Variants in PHLDB2 observed in about 807,000 individuals in gnomAD.
The protein encoded by PHLDB2 is pleckstrin homology like domain family B member 2.
PHLDB2 carries 71 observed loss-of-function variants against 123.6 expected under a neutral mutation model. The observed-to-expected ratio is 0.57, with a 90% CI of 0.47 to 0.70. The LOEUF is 0.70. Among genes scored for constraint, PHLDB2 ranks in the 30% least tolerant of loss-of-function variants. The pLI, the probability that PHLDB2 is intolerant of heterozygous loss-of-function variation, is 0.00. For missense variants in PHLDB2, 1,446 were observed against 1,519.5 expected (o/e 0.95, Z 0.80); for synonymous variants, 547 against 541.6 (o/e 1.01, Z -0.14).
chr3:111,867,432 A>G (rs2065140268), intron 1 of PHLDB2, among the ~76,000 whole-genome samples: 2 of 149,412 alleles, frequency 1.3e-5, no homozygotes, highest in African/African-American at 4.8e-5. Flanking sequence ...TAATAAAATA[A>G]TAAACAAAGA....
chr3:111,893,347 T>G (rs969618584), intron 2 of PHLDB2, among the ~76,000 whole-genome samples: 1 of 152,122 alleles, frequency 6.6e-6, no homozygotes, highest in Non-Finnish European at 1.5e-5. Context: ...CCCTTCCATT[T>G]GCTACATCCT....
chr3:111,734,992 T>C (rs1242519174), intron 1 of PHLDB2, among the ~76,000 whole-genome samples: 3 of 151,928 alleles, frequency 2.0e-5, no homozygotes, highest in Non-Finnish European at 4.4e-5. Flanking sequence ...GTCACTGGAG[T>C]CTTCTCTGTC....
intron 2 of PHLDB2, among the ~76,000 whole-genome samples, chr3:111,851,489 G>A (rs144118585): frequency 5.0e-4 from 76 of 152,274 alleles, no homozygotes; most frequent in Middle Eastern, 3.4e-3. Context: ...TGGATGGAGA[G>A]ATTTAATATC....
chr3:111,793,613 G>A (rs1025626886), intron 1 of PHLDB2, among the ~76,000 whole-genome samples: 1 of 151,952 alleles, frequency 6.6e-6, no homozygotes, highest in Non-Finnish European at 1.5e-5. Flanking sequence ...AGCTGGGAAT[G>A]TGCTGGGTCT....
At chr3:111,791,559 C>T (rs1262638381) in intron 1 of PHLDB2, among the ~76,000 whole-genome samples, 1 of 152,156 alleles carries the variant, frequency 6.6e-6, no homozygotes, top group Non-Finnish European at 1.5e-5. Flanking sequence ...CTCAATCTCC[C>T]TGGTAGTGTA....
intron 1 of PHLDB2, among the ~76,000 whole-genome samples, chr3:111,868,379 A>G (rs2065183763): frequency 6.6e-6 from 1 of 152,104 alleles, no homozygotes; most frequent in Admixed American, 6.6e-5. Context: ...ATGTCCACAC[A>G]TTGCATTTAA....
At chr3:111,866,930 GGTGTGT>G (rs3082321) in intron 1 of PHLDB2, among the ~76,000 whole-genome samples, 1,283 of 126,044 alleles carry the variant, frequency 0.01, 9 homozygotes, top group South Asian at 0.025. Context: ...GTTTCTAAGG[GGTGTGT>G]GTGTGTGTGT....
intron 2 of PHLDB2, among the ~76,000 whole-genome samples, chr3:111,895,020 G>T (rs959030359): frequency 1.3e-5 from 2 of 150,308 alleles, no homozygotes; most frequent in East Asian, 3.9e-4. Flanking sequence ...CATTAGCAAA[G>T]TTGGGCTGCC....
In PHLDB2 at chr3:111,884,777, A is replaced by G; in HGVS notation, c.700A>G (p.Ile234Val). ...TRHKELASEN[I>V]NLRTRKYSSS... ...ACACAAGGAGCTTGCATCTGAAAAC[A>G]TCAATTTGAGAACTAGGAAGTACTC... The change falls in exon 2 of 18, where the codon ATC becomes GTC. Residue 234 changes from isoleucine (I) to valine (V), a missense_variant. By Grantham distance (29) the Ile-to-Val change is conservative (BLOSUM62 3). Around this residue, in one of 3 missense-constraint regions of PHLDB2, gnomAD observed 832 missense variants for 831.9 expected, o/e 1.00. Coordinates refer to ENST00000431670, the MANE Select transcript of PHLDB2 (RefSeq NM_001134438.2). 1 of 1,614,112 alleles carries G rather than the reference A, an allele frequency of 6.2e-7. No homozygotes were observed. Among genetic ancestry groups the G allele is most frequent in the East Asian group, 2.2e-5 (1 of 44,862 alleles).
At chr3:111,933,389 T>A (rs2069256960) in intron 6 of PHLDB2, among the ~76,000 whole-genome samples, 1 of 152,220 alleles carries the variant, frequency 6.6e-6, no homozygotes, top group African/African-American at 2.4e-5. Flanking sequence ...TAAACGTTCT[T>A]AAGATGACCT....
chr3:111,920,480 G>T, intron 5 of PHLDB2, 61 bp downstream of exon 5: 1 of 1,565,402 alleles, frequency 6.4e-7, no homozygotes, highest in African/African-American at 1.4e-5. Context: ...CCAGTTGATT[G>T]AATTTAAATG....
chr3:111,884,360 T>C lies in PHLDB2; in HGVS notation c.283T>C (p.Ser95Pro), dbSNP rs1321142811. The change falls in exon 2 of 18, where the codon TCT becomes CCT. Residue 95 changes from serine (S) to proline (P), a missense_variant. Transcript: ENST00000431670. ...LAKIQGSKQFSYDGTDKNIPM... is the reference protein window; with the variant it reads ...LAKIQGSKQFPYDGTDKNIPM... ...CAAAATCCAGGGAAGCAAGCAGTTC[T>C]CTTATGATGGAACTGACAAAAATAT... is the stretch of plus-strand genomic sequence containing the variant. 2 of 1,614,134 alleles carry C rather than the reference T, an allele frequency of 1.2e-6. No individual in the cohort carries two copies. Among genetic ancestry groups the C allele is most frequent in the Non-Finnish European group, 1.7e-6 (2 of 1,179,992 alleles).
intron 1 of PHLDB2, among the ~76,000 whole-genome samples, chr3:111,882,954 CA>C (rs2066003476): frequency 6.6e-6 from 1 of 152,170 alleles, no homozygotes; most frequent in Non-Finnish European, 1.5e-5. Flanking sequence ...GTTACAGAGA[CA>C]ACCACATTAT....
chr3:111,859,669 C>T, intron 1 of PHLDB2, 93 bp downstream of exon 1: 1 of 985,244 alleles, frequency 1.0e-6, no homozygotes, highest in African/African-American at 1.7e-5. Context: ...CCCCCGCGGC[C>T]GAGTTGGTTG....
intron 2 of PHLDB2, among the ~76,000 whole-genome samples, chr3:111,891,039 G>T (rs183107553): frequency 6.6e-6 from 1 of 152,222 alleles, no homozygotes; most frequent in Non-Finnish European, 1.5e-5. Flanking sequence ...GTGCTCTTTA[G>T]TTCATAGACC....
intron 1 of PHLDB2, among the ~76,000 whole-genome samples, chr3:111,742,484 C>T (rs1262487633): frequency 3.3e-5 from 5 of 152,048 alleles, no homozygotes; most frequent in South Asian, 4.2e-4. Flanking sequence ...CAACAGGCCC[C>T]GGTGTGTGAT....
chr3:111,790,002 G>T (rs6438012), intron 1 of PHLDB2, among the ~76,000 whole-genome samples: 102,490 of 151,998 alleles, frequency 0.67, 36,023 homozygotes, highest in East Asian at 0.93. Context: ...TCATACCACA[G>T]CCAGTGCTAT....
chr3:111,942,665 G>T (rs1266777103), intron 8 of PHLDB2, among the ~76,000 whole-genome samples: 4 of 152,134 alleles, frequency 2.6e-5, no homozygotes, highest in Non-Finnish European at 5.9e-5. Context: ...ACTAAGTGCA[G>T]TGAAGTGCTT....
At chr3:111,766,258 T>C (rs1213760974) in intron 1 of PHLDB2, among the ~76,000 whole-genome samples, 1 of 151,004 alleles carries the variant, frequency 6.6e-6, no homozygotes, top group Non-Finnish European at 1.5e-5. Flanking sequence ...CTGGGCAACA[T>C]GGTAAAACTC....
Sources: gnomAD v4.1 joint callset for allele counts (sites outside exome capture counted in the v4.1 genomes callset) on GRCh38, gnomAD v4.1.1 for gene constraint, gnomAD v4.1.1 regional missense constraint, MANE v1.5 for transcripts, NCBI Gene and HGNC (gene_info 2026-07-23, HGNC 2026-07-21) for gene names.